TKT: variants seen among roughly 807,000 people sequenced by gnomAD.
The protein encoded by TKT is transketolase.
In TKT, 47 loss-of-function variants were observed where a neutral mutation model predicts 63.9. That is an observed-to-expected ratio of 0.74 (90% CI 0.58 to 0.94). The LOEUF (loss-of-function observed/expected upper bound fraction) is 0.94, where lower values mean the gene tolerates loss of function less well. Among genes scored for constraint, TKT ranks in the 40% least tolerant of loss-of-function variants. The pLI, the probability that TKT is intolerant of heterozygous loss-of-function variation, is 0.00. For synonymous variants in TKT, 338 were observed against 334.1 expected (o/e 1.01, Z -0.13); for missense variants, 721 against 846.2 (o/e 0.85, Z 1.84).
intron 12 of TKT, 55 bp from the exon 13 acceptor site, chr3:53,226,933 C>A: frequency 2.6e-6 from 4 of 1,550,124 alleles, no homozygotes; most frequent in Non-Finnish European, 3.5e-6. Flanking sequence ...CCACTATCTG[C>A]CCTGGTGGGG....
chr3:53,232,345 C>A, intron 6 of TKT: 1 of 399,154 alleles, frequency 2.5e-6, no homozygotes, highest in Non-Finnish European at 4.4e-6. Flanking sequence ...CAGACACCTC[C>A]CAGCACTGCC....
At chr3:53,249,740 AC>A (rs1705668319) in intron 1 of TKT, among the ~76,000 whole-genome samples, 1 of 152,058 alleles carries the variant, frequency 6.6e-6, no homozygotes, top group African/African-American at 2.4e-5. Flanking sequence ...AGGTGGGCTC[AC>A]CCCAGCTCCC....
intron 1 of TKT, among the ~76,000 whole-genome samples, chr3:53,242,585 CAAGG>C (rs1705329402): frequency 6.6e-6 from 1 of 152,176 alleles, no homozygotes; most frequent in Admixed American, 6.5e-5. Context: ...AGACTCAGCC[CAAGG>C]CTAGCACTGC....
At chr3:53,228,009 A>G in intron 12 of TKT, 47 bp downstream of exon 12, 1 of 1,533,342 alleles carries the variant, frequency 6.5e-7, no homozygotes, top group Non-Finnish European at 9.0e-7. Context: ...AAGACCTAGC[A>G]TGCAGTGGCC....
chr3:53,238,680 G>A (rs1211564895), intron 4 of TKT, among the ~76,000 whole-genome samples: 15 of 152,154 alleles, frequency 9.9e-5, no homozygotes, highest in South Asian at 2.1e-4. Flanking sequence ...GAGGCTTCCC[G>A]CCCACAGGAC....
Position 53,255,927 on chromosome 3 carries a change from T to C in TKT, c.16A>G (p.Lys6Glu), listed in dbSNP as rs1553682230. The change falls in exon 1 of 14, where the codon AAG (lysine) becomes GAG (glutamate). Residue 6 changes from lysine to glutamate, a missense_variant. Lys to Glu is a moderately conservative substitution (Grantham distance 56, BLOSUM62 1). Transcript: ENST00000462138. ...GCCTGCAGCTTCTGCTGGTCAGGCT[T>C]GTGGTAGCTCTCCATGGTGCGGCAG... is the stretch of plus-strand genomic sequence containing the variant. Reference protein sequence around the residue: MESYHKPDQQKLQALK... With the variant: MESYHEPDQQKLQALK... 4 of 1,537,938 alleles carry C rather than the reference T, an allele frequency of 2.6e-6. No individual in the cohort carries two copies. Among genetic ancestry groups the C allele is most frequent in the Non-Finnish European group, 2.6e-6 (3 of 1,141,320 alleles).
rs370156026 is a variant in TKT at position 53,228,342 on chromosome 3, C to A, written c.1413G>T (p.Arg471=). 28 of 1,614,052 alleles carry A rather than the reference C, an allele frequency of 1.7e-5. No homozygotes were observed. Among genetic ancestry groups the A allele is most frequent in the Admixed American group, 1.0e-4 (6 of 60,030 alleles). Residue 471 remains arginine, a synonymous_variant, in exon 11 of 14, where the codon CGG becomes CGT. Coordinates refer to ENST00000462138, the MANE Select transcript of TKT (RefSeq NM_001064.4). ...AANTKGICFI[R]TSRPENAIIY... is the part of the protein sequence containing the mutation. The stretch of plus-strand genomic sequence containing the variant: ...TGATGGCATTTTCTGGGCGGCTGGT[C>A]CGGATGAAGCAGATACCCTGAGACC...
At chr3:53,235,784 G>C (rs1348908270) in intron 4 of TKT, among the ~76,000 whole-genome samples, 6 of 152,216 alleles carry the variant, frequency 3.9e-5, no homozygotes, top group African/African-American at 7.2e-5. Context: ...TCCAAGACTA[G>C]CTCTTGACCC....
intron 5 of TKT, chr3:53,233,804 TCTTTTTGACATAAGAATA>T (rs1268403643): frequency 6.6e-6 from 1 of 152,282 alleles, no homozygotes; most frequent in Non-Finnish European, 1.5e-5. Context: ...TTTTGGGGAC[TCTTTTTGACATAAGAATA>T]AAAATAGCAC....
intron 12 of TKT, 104 bp from the exon 13 acceptor site, chr3:53,226,982 G>T: frequency 7.1e-7 from 1 of 1,410,596 alleles, no homozygotes; most frequent in Non-Finnish European, 9.5e-7. Context: ...GTAGCTAAGA[G>T]CTCAGCCTGC....
intron 1 of TKT, among the ~76,000 whole-genome samples, chr3:53,253,769 A>G (rs1220787894): frequency 6.6e-6 from 1 of 152,126 alleles, no homozygotes; most frequent in African/African-American, 2.4e-5. Flanking sequence ...ATCTCAAAAA[A>G]AAAATTTTTT....
chr3:53,251,780 T>C (rs1452140420), intron 1 of TKT, among the ~76,000 whole-genome samples: 2 of 151,852 alleles, frequency 1.3e-5, no homozygotes, highest in East Asian at 1.9e-4. Context: ...CAGGGAGCCA[T>C]GACTGTGCCT....
chr3:53,239,194 C>G (rs1319705217), intron 4 of TKT, among the ~76,000 whole-genome samples: 1 of 152,178 alleles, frequency 6.6e-6, no homozygotes, highest in Non-Finnish European at 1.5e-5. Flanking sequence ...GTGAGGCCTC[C>G]CTAGCCATGT....
At chr3:53,246,682 A>T (rs1553680956) in intron 1 of TKT, among the ~76,000 whole-genome samples, 1 of 151,668 alleles carries the variant, frequency 6.6e-6, no homozygotes, top group Non-Finnish European at 1.5e-5. Flanking sequence ...GATAAACCCC[A>T]TCTCTACTAA....
chr3:53,252,626 G>A lies in TKT; in HGVS notation c.107+3210C>T, dbSNP rs574200579. 2.9e-3 allele frequency among the ~76,000 whole-genome samples: 449 copies of A among 152,228 alleles called. 2 individuals are homozygous for A. The highest frequency in any genetic ancestry group is 0.01 in the African/African-American group (432 of 41,526). On this transcript the variant is annotated intron_variant, in intron 1 of 13. Transcript: ENST00000462138. ...TCTCGGACACCACAGTATGTTTCCG[G>A]AGGGGTAACGGCGGTGAGGAAATCA...
Position 53,228,639 on chromosome 3 carries a change from G to A in TKT, c.1396-280C>T, listed in dbSNP as rs546548115. On this transcript the variant is annotated intron_variant, in intron 10 of 13. Transcript: ENST00000462138. ...CCCACAGACTGCACCAGGCAGAGGG[G>A]CAGGAACCACGCGCACTGGGTCTGT... 3 of 510,156 alleles carry A rather than the reference G, an allele frequency of 5.9e-6. No individual in the cohort carries two copies. In the East Asian group the frequency reaches 1.1e-4, roughly 19 times the overall value. 31.6% of individuals were successfully genotyped at this position (510,156 alleles called of 1,614,324 possible). A position where few individuals can be genotyped will look rare whatever the true frequency, so the allele number is the denominator to read the frequency against.
chr3:53,236,100 A>G (rs1705018783), intron 4 of TKT, among the ~76,000 whole-genome samples: 2 of 152,226 alleles, frequency 1.3e-5, no homozygotes, highest in Admixed American at 6.5e-5. Context: ...GCATGCAAGT[A>G]GGGTGAGGAG....
intron 6 of TKT, chr3:53,232,645 C>T (rs1264704414): frequency 2.5e-6 from 1 of 397,980 alleles, no homozygotes; most frequent in Non-Finnish European, 4.4e-6. Flanking sequence ...ATTCTCCGGC[C>T]TGGGGCAGAA....
chr3:53,229,541 C>A, intron 8 of TKT, 105 bp from the exon 9 acceptor site: 1 of 1,277,250 alleles, frequency 7.8e-7, no homozygotes, highest in Non-Finnish European at 1.1e-6. Context: ...TATAGATTGT[C>A]CATCCTTTCT....
Sources: gnomAD v4.1 joint callset for allele counts (sites outside exome capture counted in the v4.1 genomes callset) on GRCh38, gnomAD v4.1.1 for gene constraint, MANE v1.5 for transcripts, NCBI Gene and HGNC (gene_info 2026-07-23, HGNC 2026-07-21) for gene names.